IFI44L: variants seen among roughly 807,000 people sequenced by gnomAD.
IFI44L encodes interferon-induced protein 44-like.
Under a neutral mutation model 39.3 loss-of-function variants are expected in IFI44L, and 40 were observed. The observed-to-expected ratio is 1.02, with a 90% CI of 0.79 to 1.33. IFI44L has a LOEUF of 1.33. Ranked by LOEUF, IFI44L falls within the 40% of genes most tolerant of loss-of-function variation. The probability of loss-of-function intolerance (pLI) is 0.00; values close to 1 mark genes in which losing one functional copy is unlikely to be tolerated. For missense variants in IFI44L, 623 were observed against 549.0 expected, an observed-to-expected ratio of 1.13 and a Z score of -1.35; for synonymous variants, 198 against 182.3, an observed-to-expected ratio of 1.09 and a Z score of -0.69.
chr1:78,633,050 C>T (rs1652811914), intron 4 of IFI44L, among the ~76,000 whole-genome samples: 1 of 152,116 alleles, frequency 6.6e-6, no homozygotes, highest in Admixed American at 6.5e-5. Flanking sequence ...AAAATATCAC[C>T]TCAGTAAACC....
chr1:78,625,355 T>G (rs1243448040), intron 1 of IFI44L, among the ~76,000 whole-genome samples: 1 of 152,128 alleles, frequency 6.6e-6, no homozygotes, highest in Non-Finnish European at 1.5e-5. Flanking sequence ...TTGTATTTAC[T>G]TTTATGTCAG....
chr1:78,628,614 T>A (rs556902341), intron 2 of IFI44L: 14 of 534,042 alleles, frequency 2.6e-5, no homozygotes, highest in Non-Finnish European at 3.6e-5. Flanking sequence ...GAGAAATATA[T>A]GTGCAGAGAT....
At chr1:78,638,139 T>G (rs1408233614) in intron 6 of IFI44L, among the ~76,000 whole-genome samples, 1 of 152,148 alleles carries the variant, frequency 6.6e-6, no homozygotes, top group African/African-American at 2.4e-5. Context: ...TTCTAATAGA[T>G]GTATGCTGAT....
At chr1:78,630,786 A>G (rs1379891062) in intron 4 of IFI44L, among the ~76,000 whole-genome samples, 1 of 152,126 alleles carries the variant, frequency 6.6e-6, no homozygotes, top group Non-Finnish European at 1.5e-5. Flanking sequence ...TTATTTGTTG[A>G]TGTTGGCCAG....
intron 1 of IFI44L, among the ~76,000 whole-genome samples, chr1:78,624,655 T>C (rs927893405): frequency 6.6e-6 from 1 of 152,204 alleles, no homozygotes; most frequent in African/African-American, 2.4e-5. Flanking sequence ...TATTTTATAA[T>C]GGATAAAGTA....
chr1:78,627,521 T>C (rs1313307892), intron 1 of IFI44L: 1 of 153,476 alleles, frequency 6.5e-6, no homozygotes, highest in Non-Finnish European at 1.4e-5. Context: ...TTACATATTA[T>C]CTATGACTTC....
rs1451344691 is a variant in IFI44L, at chr1:78,635,616, C to CT, written c.876+130dup. 3 of 752,952 alleles carry CT rather than the reference C, an allele frequency of 4.0e-6. No individual in the cohort carries two copies. The African/African-American group carries it at 5.4e-5, about 13-fold the overall frequency. The allele number at this position is 752,952 out of a possible 1,614,324, so 46.6% of individuals were successfully genotyped here. The stretch of plus-strand genomic sequence containing the variant: ...TTCAACATCAATCAACACTATTCTA[C>CT]TTTGAATGAATAAGAATTCATATGA... On this transcript the variant is annotated intron_variant, in intron 5 of 8. Coordinates refer to ENST00000370751, the MANE Select transcript of IFI44L (RefSeq NM_006820.4).
intron 5 of IFI44L, 194 bp from the exon 6 acceptor site, chr1:78,636,838 C>T: frequency 2.2e-6 from 1 of 460,990 alleles, no homozygotes. Context: ...TGTTTTTTTT[C>T]CTATAAGAGA....
chr1:78,635,000 ATGTG>A (rs563401443), intron 4 of IFI44L, among the ~76,000 whole-genome samples: 50 of 117,912 alleles, frequency 4.2e-4, no homozygotes, highest in Middle Eastern at 8.1e-3. Flanking sequence ...ATATATATAT[ATGTG>A]TGTGTGTGTG....
At chr1:78,623,433 T>G (rs1284514872) in intron 1 of IFI44L, among the ~76,000 whole-genome samples, 3 of 139,162 alleles carry the variant, frequency 2.2e-5, no homozygotes, top group Non-Finnish European at 4.6e-5. Flanking sequence ...TTTTAAATCA[T>G]GGAAGGACTT....
At chr1:78,633,286 C>A (rs964063447) in intron 4 of IFI44L, among the ~76,000 whole-genome samples, 5 of 152,194 alleles carry the variant, frequency 3.3e-5, no homozygotes, top group Non-Finnish European at 7.4e-5. Context: ...CTGGATAGAA[C>A]CTCATGGCCC....
At position 78,641,131 on chromosome 1, in the gene IFI44L, G is replaced by T; in HGVS notation, c.1149+10G>T. On this transcript the variant is annotated intron_variant, in intron 7 of 8. Coordinates refer to ENST00000370751, the MANE Select transcript of IFI44L (RefSeq NM_006820.4). ...GACTTCTCAAAGCCGGGTAAAAAAT[G>T]CTGATCATAACCAGATATTATTGTA... 6.4e-7 allele frequency: 1 copy of T among 1,555,888 alleles called. No homozygotes were observed. Among genetic ancestry groups the T allele is most frequent in the Non-Finnish European group, 8.9e-7 (1 of 1,127,608 alleles).
Position 78,643,507 on chromosome 1 carries a change from TAA to T in IFI44L, c.*1699_*1700del, listed in dbSNP as rs780451297. On this transcript the variant is annotated 3_prime_UTR_variant, in exon 9 of 9. Coordinates refer to ENST00000370751, the MANE Select transcript of IFI44L (RefSeq NM_006820.4). ...CTCAAATCTACCTCCCTGCTGAGTCTAAGTTTAGGATTTTTAAGAGAAAGGCA... is the reference window on the plus strand; with the variant it reads ...CTCAAATCTACCTCCCTGCTGAGTCTGTTTAGGATTTTTAAGAGAAAGGCA... The T allele has an allele frequency of 2.6e-5, 4 of 152,104 alleles. No individual in the cohort carries two copies. Among genetic ancestry groups the T allele is most frequent in the African/African-American group, 4.8e-5 (2 of 41,422 alleles). The allele number at this position is 152,104 out of a possible 1,614,324, so 9.4% of individuals were successfully genotyped here.
chr1:78,620,777 A>G (rs1264641551), intron 1 of IFI44L: 1 of 152,198 alleles, frequency 6.6e-6, no homozygotes, highest in Non-Finnish European at 1.5e-5. Flanking sequence ...ATTGTTAACT[A>G]TAGTTAAACT....
intron 6 of IFI44L, 104 bp from the exon 7 acceptor site, chr1:78,640,917 A>G: frequency 1.4e-6 from 1 of 718,808 alleles, no homozygotes; most frequent in Non-Finnish European, 2.4e-6. Context: ...TTCATTCTTC[A>G]GCTCTCAAAA....
rs1302792843 is a variant in IFI44L, at chr1:78,642,537, C to G, written c.*728C>G. 6.6e-6 allele frequency: 1 copy of G among 151,776 alleles called. No individual in the cohort carries two copies. Among genetic ancestry groups the G allele is most frequent in the African/African-American group, 2.4e-5 (1 of 41,308 alleles). The allele number at this position is 151,776 out of a possible 1,614,324, so 9.4% of individuals were successfully genotyped here. ...TGAGCTGAGATTGTGCCACTGTACTCTAGCCAGGGAGAAAGAGTGAGATCC... is the reference window on the plus strand; with the variant it reads ...TGAGCTGAGATTGTGCCACTGTACTGTAGCCAGGGAGAAAGAGTGAGATCC... On this transcript the variant is annotated 3_prime_UTR_variant, in exon 9 of 9. Coordinates refer to ENST00000370751, the MANE Select transcript of IFI44L (RefSeq NM_006820.4).
rs1292218452 is a variant in IFI44L, at chr1:78,637,158, A to G, written c.1003A>G (p.Met335Val). 2 of 1,609,542 alleles carry G rather than the reference A, an allele frequency of 1.2e-6. No individual in the cohort carries two copies. Among genetic ancestry groups the G allele is most frequent in the Non-Finnish European group, 1.7e-6 (2 of 1,178,330 alleles). The part of the protein sequence containing the change: ...INSIDNLYSK[M>V]LAKVKQVHKE... ...CTCTATTGACAATCTCTACTCTAAA[A>G]TGTTGGCAAAAGTGAAGCAAGTTCA... The change falls in exon 6 of 9, where the codon ATG (methionine) becomes GTG (valine). Residue 335 changes from methionine to valine, a missense_variant. Transcript: ENST00000370751.
rs1383198454 is a variant in IFI44L, at chr1:78,642,089, T to C, written c.*280T>C. On this transcript the variant is annotated 3_prime_UTR_variant, in exon 9 of 9. Coordinates refer to ENST00000370751, the MANE Select transcript of IFI44L (RefSeq NM_006820.4). ...AGGAAAAATGAGATATTCTCTAATT[T>C]ATTCTTCTATAACACTCTATATAGA... 1 of 537,818 alleles carries C rather than the reference T, an allele frequency of 1.9e-6. No homozygotes were observed. Among genetic ancestry groups the C allele is most frequent in the Admixed American group, 3.2e-5 (1 of 31,618 alleles). 33.3% of individuals were successfully genotyped at this position (537,818 alleles called of 1,614,324 possible).
chr1:78,629,673 C>G, intron 3 of IFI44L, 47 bp from the exon 4 acceptor site: 1 of 1,419,404 alleles, frequency 7.0e-7, no homozygotes, highest in South Asian at 1.3e-5. Context: ...TTATGGTATT[C>G]TTTATTGGCT....
Sources: allele counts gnomAD v4.1 joint callset (sites outside exome capture counted in the v4.1 genomes callset), GRCh38; gene constraint gnomAD v4.1.1; transcripts MANE v1.5; gene names NCBI Gene and HGNC (gene_info 2026-07-23, HGNC 2026-07-21).